The following ZNF516 variants were observed in gnomAD, a reference collection of about 807,000 sequenced individuals.
ZNF516 encodes zinc finger protein 516.
Under a neutral mutation model 79.7 loss-of-function variants are expected in ZNF516, and 19 were observed. The observed-to-expected ratio is 0.24, with a 90% CI of 0.17 to 0.35. ZNF516 has a LOEUF of 0.35. ZNF516 is among the 10% of genes least tolerant of loss of function. The pLI is 1.00. For synonymous variants in ZNF516, 877 were observed against 739.5 expected, an observed-to-expected ratio of 1.19 and a Z score of -3.02; for missense variants, 1,678 against 1,679.5, an observed-to-expected ratio of 1.00 and a Z score of 0.02.
At chr18:76,465,346 C>T (rs1050882189) in intron 1 of ZNF516, among the ~76,000 whole-genome samples, 1 of 152,128 alleles carries the variant, frequency 6.6e-6, no homozygotes, top group East Asian at 1.9e-4. Context: ...TCTTACTCTT[C>T]GACAGCAGAA....
chr18:76,432,390 G>A (rs951817794), intron 3 of ZNF516, among the ~76,000 whole-genome samples: 6 of 152,196 alleles, frequency 3.9e-5, no homozygotes, highest in Admixed American at 1.3e-4. Flanking sequence ...CAGCACCACC[G>A]CTACGTTCTC....
intron 2 of ZNF516, among the ~76,000 whole-genome samples, chr18:76,448,307 T>C (rs1001981140): frequency 6.6e-6 from 1 of 152,230 alleles, no homozygotes; most frequent in Non-Finnish European, 1.5e-5. Context: ...CCAGATTACT[T>C]ACATTTGCTA....
rs537538321 is a variant in ZNF516, at chr18:76,440,218, G to A, written c.1810+1027C>T. 2.3e-4 allele frequency among the ~76,000 whole-genome samples: 35 copies of A among 152,218 alleles called. No homozygotes were observed. In the East Asian group the frequency reaches 6.0e-3, roughly 26 times the overall value. Reference sequence around the variant, plus strand: ...CCTCACATAACACACTGTGTAAGACGCTAATAAACTCTGTCCAGGTTTGGC... The same window carrying A: ...CCTCACATAACACACTGTGTAAGACACTAATAAACTCTGTCCAGGTTTGGC... On this transcript the variant is annotated intron_variant, in intron 3 of 6. Transcript: ENST00000443185.
chr18:76,429,062 C>G (rs1410690404), intron 3 of ZNF516, among the ~76,000 whole-genome samples: 2 of 152,160 alleles, frequency 1.3e-5, no homozygotes, highest in Admixed American at 1.3e-4. Context: ...CTTGCCTCCC[C>G]CTCTCCCTCC....
At chr18:76,413,829 T>A (rs17059342) in intron 3 of ZNF516, among the ~76,000 whole-genome samples, 6,122 of 152,270 alleles carry the variant, frequency 0.04, 222 homozygotes, top group African/African-American at 0.094. Context: ...CGAAACCTCA[T>A]GAACAAAAAT....
At chr18:76,447,605 C>A (rs117915937) in intron 2 of ZNF516, among the ~76,000 whole-genome samples, 3 of 152,202 alleles carry the variant, frequency 2.0e-5, no homozygotes, top group African/African-American at 7.2e-5. Context: ...TCTGCAACAA[C>A]ACAGATGCTC....
chr18:76,400,781 C>G (rs1405833114), intron 3 of ZNF516, among the ~76,000 whole-genome samples: 1 of 152,160 alleles, frequency 6.6e-6, no homozygotes, highest in Non-Finnish European at 1.5e-5. Flanking sequence ...AATATTGAGT[C>G]TCAGAAGTTC....
chr18:76,484,109 C>T (rs1356457140), intron 1 of ZNF516, among the ~76,000 whole-genome samples: 1 of 152,202 alleles, frequency 6.6e-6, no homozygotes, highest in Non-Finnish European at 1.5e-5. Flanking sequence ...ACACGCTTAC[C>T]AAGTTCCTTT....
At position 76,423,752 on chromosome 18, in the gene ZNF516, G is replaced by A. The variant is rs553931257; in HGVS notation, c.1810+17493C>T. On this transcript the variant is annotated intron_variant, in intron 3 of 6. Transcript: ENST00000443185. ...TCCCTCCTGAAACATACACACGCAG[G>A]TGAAAAGGCTCCCCCGAAACACACG... Among the ~76,000 whole-genome samples, 8 of 143,698 alleles carry A rather than the reference G, an allele frequency of 5.6e-5. No individual in the cohort carries two copies. In the East Asian group the frequency reaches 1.7e-3, roughly 31 times the overall value. 94.3% of individuals were successfully genotyped at this position (143,698 alleles called of 152,430 possible). A position where few individuals can be genotyped will look rare whatever the true frequency, so the allele number is the denominator to read the frequency against.
At chr18:76,431,954 G>A (rs564936284) in intron 3 of ZNF516, among the ~76,000 whole-genome samples, 6 of 152,298 alleles carry the variant, frequency 3.9e-5, no homozygotes, top group South Asian at 2.1e-4. Context: ...GTGTTCAGGC[G>A]GCCCCGCCCA....
chr18:76,370,392 G>C, intron 6 of ZNF516, 136 bp downstream of exon 6: 1 of 875,982 alleles, frequency 1.1e-6, no homozygotes, highest in Non-Finnish European at 1.7e-6. Flanking sequence ...CAGGTTCCAA[G>C]TCAAAGCATA....
chr18:76,396,753 C>T (rs1343547599), intron 3 of ZNF516, among the ~76,000 whole-genome samples: 2 of 152,138 alleles, frequency 1.3e-5, no homozygotes, highest in Non-Finnish European at 2.9e-5. Context: ...TGGCAGCAGG[C>T]AGAGTGGTTC....
intron 3 of ZNF516, among the ~76,000 whole-genome samples, chr18:76,392,501 C>CAGGTGGGAAGGT (rs1315769422): frequency 1.4e-4 from 19 of 134,460 alleles, no homozygotes; most frequent in African/African-American, 5.3e-4. Flanking sequence ...GCTGGGAAGG[C>CAGGTGGGAAGGT]AGGTGGGAAG....
intron 3 of ZNF516, among the ~76,000 whole-genome samples, chr18:76,437,344 T>A (rs960736047): frequency 6.6e-6 from 1 of 152,024 alleles, no homozygotes; most frequent in African/African-American, 2.4e-5. Flanking sequence ...ACGGGGCTGC[T>A]GGGCGGCAGG....
intron 3 of ZNF516, among the ~76,000 whole-genome samples, chr18:76,436,151 G>A (rs145584933): frequency 2.3e-4 from 35 of 152,328 alleles, no homozygotes; most frequent in Non-Finnish European, 8.8e-5. Flanking sequence ...TACTAAGGGG[G>A]GCTGGCCTTC....
intron 1 of ZNF516, chr18:76,490,258 C>T: frequency 3.2e-6 from 3 of 943,136 alleles, no homozygotes; most frequent in Non-Finnish European, 3.8e-6. Flanking sequence ...ACGGCAGGCT[C>T]CTACGCAACT....
chr18:76,474,796 G>A (rs989976324), intron 1 of ZNF516, among the ~76,000 whole-genome samples: 2 of 152,068 alleles, frequency 1.3e-5, no homozygotes, highest in African/African-American at 4.8e-5. Flanking sequence ...GGAGGAATTA[G>A]GTCTAATAAC....
At chr18:76,386,077 TA>T (rs1282848790) in intron 3 of ZNF516, 11 of 152,256 alleles carry the variant, frequency 7.2e-5, no homozygotes, top group African/African-American at 2.7e-4. Context: ...TTGGGCTTCG[TA>T]AAAGCCATTA....
Position 76,375,335 on chromosome 18 carries a change from CAGGTA to C in ZNF516, c.3259+3515_3259+3519del, listed in dbSNP as rs575941089. The stretch of plus-strand genomic sequence containing the variant: ...AGTGGACAGGGAAGGCCCCAGAGAA[CAGGTA>C]GAAGGATGGACACAGAAGGCCCCAG... On this transcript the variant is annotated intron_variant, in intron 4 of 6. Coordinates refer to ENST00000443185, the MANE Select transcript of ZNF516 (RefSeq NM_014643.4). Among the ~76,000 whole-genome samples the C allele has an allele frequency of 2.3e-3, 354 of 152,198 alleles. 1 individual carries two copies. Among genetic ancestry groups the C allele is most frequent in the African/African-American group, 7.8e-3 (326 of 41,534 alleles).
Sources: allele counts gnomAD v4.1 joint callset (sites outside exome capture counted in the v4.1 genomes callset), GRCh38; gene constraint gnomAD v4.1.1; transcripts MANE v1.5; gene names NCBI Gene and HGNC (gene_info 2026-07-23, HGNC 2026-07-21).